Variants in BMP1 observed in about 807,000 individuals in gnomAD.
BMP1 encodes bone morphogenetic protein 1, also known as mammalian tolloid protein.
Under a neutral mutation model 116.8 loss-of-function variants are expected in BMP1, and 63 were observed. That is an observed-to-expected ratio of 0.54 (90% CI 0.44 to 0.67). The LOEUF is 0.67. Among genes scored for constraint, BMP1 ranks in the 30% least tolerant of loss-of-function variants. The probability of loss-of-function intolerance (pLI) is 0.00; values close to 1 mark genes in which losing one functional copy is unlikely to be tolerated. For missense variants in BMP1, 1,183 were observed against 1,358.9 expected (o/e 0.87, Z 2.04); for synonymous variants, 536 against 533.4 (o/e 1.00, Z -0.07).
chr8:22,201,069 C>T (rs1287030994), intron 15 of BMP1: 1 of 1,547,422 alleles, frequency 6.5e-7, no homozygotes, highest in Admixed American at 1.7e-5. Context: ...GGTCCCTGCC[C>T]TCCACCCCCA....
At chr8:22,196,956 C>G (rs1358806420) in intron 14 of BMP1, 116 bp downstream of exon 14, 1 of 1,338,922 alleles carries the variant, frequency 7.5e-7, no homozygotes, top group African/African-American at 1.5e-5. Context: ...CTGCAAATAT[C>G]GAGGAGAGAC....
chr8:22,186,136 C>T (rs1195624188), intron 8 of BMP1, among the ~76,000 whole-genome samples: 1 of 151,936 alleles, frequency 6.6e-6, no homozygotes, highest in Non-Finnish European at 1.5e-5. Flanking sequence ...ACGCCCGGCC[C>T]AACCCAAATT....
Position 22,201,889 on chromosome 8 carries a change from G to A in BMP1, c.2194G>A (p.Gly732Ser), listed in dbSNP as rs1266881770. ...CAGTTATGAGTGCCAATGCCGCAGT[G>A]GCTTCGTCCTCCATGACAACAAGCA... ...FGSYECQCRS[G>S]FVLHDNKHDC... is the part of the protein sequence containing the mutation. The change falls in exon 16 of 20, where the codon GGC (glycine) becomes AGC (serine). Residue 732 changes from glycine (G) to serine (S), a missense_variant. Physicochemically the swap from Gly to Ser is moderately conservative, Grantham distance 56. Transcript: ENST00000306385. 6 of 1,613,858 alleles carry A rather than the reference G, an allele frequency of 3.7e-6. No homozygotes were observed. Among genetic ancestry groups the A allele is most frequent in the Non-Finnish European group, 5.1e-6 (6 of 1,179,944 alleles).
intron 8 of BMP1, among the ~76,000 whole-genome samples, chr8:22,189,331 A>G (rs1460203110): frequency 6.6e-6 from 1 of 151,920 alleles, no homozygotes; most frequent in Non-Finnish European, 1.5e-5. Flanking sequence ...TCGCCGTTCC[A>G]TGCCAGCACT....
intron 15 of BMP1, chr8:22,199,405 G>A: frequency 7.9e-7 from 1 of 1,263,334 alleles, no homozygotes; most frequent in East Asian, 5.0e-5. Flanking sequence ...CCATCTCCTT[G>A]CCTGGGCCCA....
At chr8:22,200,902 C>A (rs1030348714) in intron 15 of BMP1, among the ~76,000 whole-genome samples, 1 of 152,158 alleles carries the variant, frequency 6.6e-6, no homozygotes, top group Admixed American at 6.5e-5. Flanking sequence ...TCTGTCCCGT[C>A]GCTGTGCCTC....
Position 22,209,567 on chromosome 8 carries a change from T to C in BMP1, c.2698T>C (p.Tyr900His). The change falls in exon 19 of 20, where the codon TAC becomes CAC. Residue 900 changes from tyrosine to histidine, a missense_variant. Transcript: ENST00000306385. ...CEWVIVAEEG[Y>H]GVELVFQTFE... Reference sequence around the variant, plus strand: ...GTGGGTCATTGTGGCCGAGGAAGGCTACGGCGTGGAGCTCGTGTTCCAGAC... The same window carrying C: ...GTGGGTCATTGTGGCCGAGGAAGGCCACGGCGTGGAGCTCGTGTTCCAGAC... 6.2e-7 allele frequency: 1 copy of C among 1,614,212 alleles called. No individual in the cohort carries two copies. The highest frequency in any genetic ancestry group is 8.5e-7 in the Non-Finnish European group (1 of 1,180,028).
intron 17 of BMP1, 102 bp from the exon 18 acceptor site, chr8:22,207,201 G>C: frequency 7.1e-7 from 1 of 1,412,120 alleles, no homozygotes; most frequent in Non-Finnish European, 9.8e-7. Flanking sequence ...AGCTGTGGCT[G>C]CTCCCATGGG....
intron 18 of BMP1, 114 bp from the exon 19 acceptor site, chr8:22,209,331 C>T (rs530599371): frequency 7.8e-4 from 1,182 of 1,506,806 alleles, no homozygotes; most frequent in Non-Finnish European, 1.0e-3. Context: ...TCACTGGCCT[C>T]GTGGCCTTCA....
Position 22,192,089 on chromosome 8 carries a change from G to A in BMP1, c.1118G>A (p.Arg373His), listed in dbSNP as rs375180557. Residue 373 changes from arginine to histidine, a missense_variant, in exon 9 of 20, where the codon CGC becomes CAC. By Grantham distance (29) the Arg-to-His change is conservative. Transcript: ENST00000306385. ...ACGTCCCTGGACCTGTACCGCAGCC[G>A]CCTGTGCTGGTACGACTATGTGGAG... ...NFTSLDLYRS[R>H]LCWYDYVEVR... 36 of 1,613,818 alleles carry A rather than the reference G, an allele frequency of 2.2e-5. 1 individual carries two copies. Among genetic ancestry groups the A allele is most frequent in the South Asian group, 3.3e-5 (3 of 91,084 alleles).
At chr8:22,178,989 C>G (rs1408505404) in intron 6 of BMP1, among the ~76,000 whole-genome samples, 1 of 152,194 alleles carries the variant, frequency 6.6e-6, no homozygotes, top group East Asian at 1.9e-4. Flanking sequence ...CAGACCCGGC[C>G]TTACATTTCC....
chr8:22,211,889 T>C lies in BMP1; in HGVS notation c.*161T>C. On this transcript the variant is annotated 3_prime_UTR_variant, in exon 20 of 20. Coordinates refer to ENST00000306385, the MANE Select transcript of BMP1 (RefSeq NM_006129.5). ...GACTGTCCATAGGAGGTGGGGGAACTGGACTCCGGCATAAGCCACTTCCCC... is the reference window on the plus strand; with the variant it reads ...GACTGTCCATAGGAGGTGGGGGAACCGGACTCCGGCATAAGCCACTTCCCC... The C allele has an allele frequency of 9.1e-7, 1 of 1,100,128 alleles. No homozygotes were observed. The highest frequency in any genetic ancestry group is 2.5e-5 in the Admixed American group (1 of 39,950). The allele number at this position is 1,100,128 out of a possible 1,614,324, so 68.1% of individuals were successfully genotyped here.
rs1032061845 is a variant in BMP1, at chr8:22,177,254, G to T, written c.730+115G>T. The stretch of plus-strand genomic sequence containing the variant: ...CAGCCAGCCGTCATCGCCTGGGCCC[G>T]CAGCGCTGCCCACAGCCTGGGTTGA... On this transcript the variant is annotated intron_variant, in intron 5 of 19. Transcript: ENST00000306385. 18 of 1,132,926 alleles carry T rather than the reference G, an allele frequency of 1.6e-5. No homozygotes were observed. In the Admixed American group the frequency reaches 4.1e-4, roughly 26 times the overall value. The allele number at this position is 1,132,926 out of a possible 1,614,324, so 70.2% of individuals were successfully genotyped here. A position where few individuals can be genotyped will look rare whatever the true frequency, so the allele number is the denominator to read the frequency against.
intron 8 of BMP1, among the ~76,000 whole-genome samples, chr8:22,191,458 C>T (rs73225856): frequency 0.048 from 7,251 of 152,166 alleles, 267 homozygotes; most frequent in Admixed American, 0.092. Flanking sequence ...GATGATGGGG[C>T]CGGGCACAGT....
intron 5 of BMP1, 61 bp from the exon 6 acceptor site, chr8:22,177,784 GTGAGCGT>G: frequency 8.4e-7 from 1 of 1,190,642 alleles, no homozygotes; most frequent in Admixed American, 1.7e-5. Context: ...GCCCTGGAAA[GTGAGCGT>G]TGCATCCCAG....
In BMP1 at chr8:22,194,382, T is replaced by A. The variant is rs1387856872; in HGVS notation, c.1298-63T>A. 1 of 1,594,078 alleles carries A rather than the reference T, an allele frequency of 6.3e-7. No homozygotes were observed. The highest frequency in any genetic ancestry group is 1.3e-5 in the African/African-American group (1 of 74,454). ...GGACTGGAGGAGTGGGGAAAAGAGCTCCCTAGCAGGGCAAAGCATGCTGAC... is the reference window on the plus strand; with the variant it reads ...GGACTGGAGGAGTGGGGAAAAGAGCACCCTAGCAGGGCAAAGCATGCTGAC... On this transcript the variant is annotated intron_variant, in intron 10 of 19. Coordinates refer to ENST00000306385, the MANE Select transcript of BMP1 (RefSeq NM_006129.5). This position sits in a 1 kb window ranked among gnomAD's most constrained non-coding sequence, Gnocchi z 4.5.
chr8:22,192,387 GCCT>G, intron 9 of BMP1: 1 of 433,964 alleles, frequency 2.3e-6, no homozygotes, highest in Non-Finnish European at 4.3e-6. Flanking sequence ...AGACTTCTGG[GCCT>G]CCCTGTGAAG....
chr8:22,166,591 T>C (rs979857768), intron 1 of BMP1, among the ~76,000 whole-genome samples: 4 of 151,754 alleles, frequency 2.6e-5, no homozygotes, highest in Admixed American at 6.5e-5. Flanking sequence ...CATCTCCAAA[T>C]AGCCAGAGCC....
chr8:22,189,897 A>AT (rs1301720124), intron 8 of BMP1, among the ~76,000 whole-genome samples: 4 of 152,164 alleles, frequency 2.6e-5, no homozygotes, highest in Non-Finnish European at 5.9e-5. Flanking sequence ...ACCAAGAGTA[A>AT]TATATAGTGT....
Sources: allele counts gnomAD v4.1 joint callset (sites outside exome capture counted in the v4.1 genomes callset), GRCh38; gene constraint gnomAD v4.1.1; non-coding constraint Gnocchi (gnomAD v3.1); transcripts MANE v1.5; gene names NCBI Gene and HGNC (gene_info 2026-07-23, HGNC 2026-07-21).